CACNG3: variants seen among roughly 807,000 people sequenced by gnomAD.
CACNG3 encodes the protein calcium voltage-gated channel auxiliary subunit gamma 3.
A neutral mutation model predicts 28.5 loss-of-function variants in CACNG3; 3 were observed. That is an observed-to-expected ratio of 0.11 (90% CI 0.05 to 0.27). The LOEUF (loss-of-function observed/expected upper bound fraction) is 0.27, where lower values mean the gene tolerates loss of function less well. Among genes scored for constraint, CACNG3 ranks in the 10% least tolerant of loss-of-function variants. The pLI, the probability that CACNG3 is intolerant of heterozygous loss-of-function variation, is 1.00. For missense variants in CACNG3, 236 were observed against 414.4 expected, an observed-to-expected ratio of 0.57 and a Z score of 3.74; for synonymous variants, 174 against 162.2, an observed-to-expected ratio of 1.07 and a Z score of -0.55.
intron 1 of CACNG3, among the ~76,000 whole-genome samples, chr16:24,301,149 T>G (rs1385854800): frequency 6.6e-6 from 1 of 150,866 alleles, no homozygotes; most frequent in African/African-American, 2.4e-5. Flanking sequence ...AGGCAGAGGT[T>G]GCTGTGAACT....
At chr16:24,337,438 A>G (rs1256192551) in intron 1 of CACNG3, among the ~76,000 whole-genome samples, 2 of 152,078 alleles carry the variant, frequency 1.3e-5, no homozygotes, top group Non-Finnish European at 2.9e-5. Context: ...GAAACACTCA[A>G]AATAGGGACT....
At chr16:24,261,309 G>A (rs1898534716) in intron 1 of CACNG3, among the ~76,000 whole-genome samples, 1 of 152,112 alleles carries the variant, frequency 6.6e-6, no homozygotes, top group African/African-American at 2.4e-5. Flanking sequence ...GGAGTGGTGA[G>A]GACTGTGGCA....
chr16:24,298,990 G>A (rs1185335823), intron 1 of CACNG3, among the ~76,000 whole-genome samples: 1 of 152,160 alleles, frequency 6.6e-6, no homozygotes, highest in Non-Finnish European at 1.5e-5. Context: ...GATGACGTTA[G>A]CCTTGATCGC....
At chr16:24,328,973 A>G (rs1899597493) in intron 1 of CACNG3, among the ~76,000 whole-genome samples, 1 of 151,900 alleles carries the variant, frequency 6.6e-6, no homozygotes. Context: ...CCACACCCCC[A>G]TCATATGGCA....
chr16:24,279,213 C>G (rs1270750239), intron 1 of CACNG3, among the ~76,000 whole-genome samples: 1 of 152,170 alleles, frequency 6.6e-6, no homozygotes, highest in Non-Finnish European at 1.5e-5. Flanking sequence ...AATTAAAGAT[C>G]TGACGTAATC....
intron 1 of CACNG3, among the ~76,000 whole-genome samples, chr16:24,300,045 C>T (rs1324909431): frequency 6.6e-6 from 1 of 152,112 alleles, no homozygotes; most frequent in Admixed American, 6.5e-5. Context: ...GGATCAAAAC[C>T]TGAAAGTACT....
chr16:24,290,446 T>C (rs1353386542), intron 1 of CACNG3, among the ~76,000 whole-genome samples: 1 of 152,160 alleles, frequency 6.6e-6, no homozygotes, highest in Non-Finnish European at 1.5e-5. Flanking sequence ...TTTGCAGTGT[T>C]TATAACACTG....
At chr16:24,259,950 C>A (rs918947808) in intron 1 of CACNG3, among the ~76,000 whole-genome samples, 1 of 152,196 alleles carries the variant, frequency 6.6e-6, no homozygotes, top group Admixed American at 6.5e-5. Context: ...CTGAGGTAGA[C>A]CAGGAAAATC....
At chr16:24,333,362 T>C (rs773417029) in intron 1 of CACNG3, 2 of 152,236 alleles carry the variant, frequency 1.3e-5, no homozygotes. Context: ...TTACTATGAA[T>C]AGGAGGCCCT....
At chr16:24,318,006 C>A (rs1567217838) in intron 1 of CACNG3, among the ~76,000 whole-genome samples, 2 of 152,266 alleles carry the variant, frequency 1.3e-5, no homozygotes, top group South Asian at 2.1e-4. Flanking sequence ...CCCAGATGCC[C>A]CTTCTCTGAG....
At chr16:24,268,227 G>A (rs926325887) in intron 1 of CACNG3, among the ~76,000 whole-genome samples, 8 of 152,232 alleles carry the variant, frequency 5.3e-5, no homozygotes, top group South Asian at 4.1e-4. Flanking sequence ...GCATAAACAG[G>A]CTAAATTGAG....
chr16:24,317,664 G>GAAAGGA lies in CACNG3; in HGVS notation c.212-29066_212-29065insGAAAAG, dbSNP rs2141368356. On this transcript the variant is annotated intron_variant, in intron 1 of 3. Coordinates refer to ENST00000005284, the MANE Select transcript of CACNG3 (RefSeq NM_006539.4). ...AAAGAAAAGAAAAGAAAGAAAGAAA[G>GAAAGGA]AAAGAAAGAAAGAAAGAAAGAAAGA... Among the ~76,000 whole-genome samples, 16 of 85,562 alleles carry GAAAGGA rather than the reference G, an allele frequency of 1.9e-4. 1 individual carries two copies. The highest frequency in any genetic ancestry group is 8.8e-4 in the African/African-American group (16 of 18,258). The allele number at this position is 85,562 out of a possible 152,430, so 56.1% of individuals were successfully genotyped here.
intron 1 of CACNG3, among the ~76,000 whole-genome samples, chr16:24,272,231 G>A (rs1898700274): frequency 6.6e-6 from 1 of 151,834 alleles, no homozygotes; most frequent in East Asian, 1.9e-4. Flanking sequence ...TAATATGAAA[G>A]TAATGCAAAA....
chr16:24,277,779 CAA>C (rs34379768), intron 1 of CACNG3, among the ~76,000 whole-genome samples: 29 of 97,712 alleles, frequency 3.0e-4, no homozygotes, highest in Middle Eastern at 0.011. Flanking sequence ...GACTCCATCT[CAA>C]AAAAAAAAAA....
chr16:24,302,680 G>A (rs1235143428), intron 1 of CACNG3, among the ~76,000 whole-genome samples: 2 of 151,638 alleles, frequency 1.3e-5, no homozygotes, highest in East Asian at 1.9e-4. Context: ...GTTTTGTTGA[G>A]ACAGAGTCAT....
intron 1 of CACNG3, among the ~76,000 whole-genome samples, chr16:24,319,220 G>C (rs1449755631): frequency 1.3e-5 from 2 of 152,160 alleles, no homozygotes; most frequent in African/African-American, 4.8e-5. Context: ...CATTGCAATG[G>C]GAATACAGGT....
intron 1 of CACNG3, among the ~76,000 whole-genome samples, chr16:24,328,818 G>T (rs980165200): frequency 2.0e-5 from 3 of 152,088 alleles, no homozygotes; most frequent in African/African-American, 7.2e-5. Flanking sequence ...GGCGGGCATC[G>T]TGTGCCCATT....
chr16:24,330,713 G>A (rs1899620890), intron 1 of CACNG3, among the ~76,000 whole-genome samples: 1 of 152,182 alleles, frequency 6.6e-6, no homozygotes, highest in Non-Finnish European at 1.5e-5. Context: ...CAGTTAAAAA[G>A]CAGCTAAGAC....
intron 1 of CACNG3, among the ~76,000 whole-genome samples, chr16:24,341,315 A>G (rs1454396384): frequency 6.6e-6 from 1 of 152,224 alleles, no homozygotes; most frequent in Non-Finnish European, 1.5e-5. Context: ...ATTCATTTTC[A>G]GTGTGGAGTC....
Sources: gnomAD v4.1 joint callset for allele counts (sites outside exome capture counted in the v4.1 genomes callset) on GRCh38, gnomAD v4.1.1 for gene constraint, MANE v1.5 for transcripts, NCBI Gene and HGNC (gene_info 2026-07-23, HGNC 2026-07-21) for gene names.